CCDC33: variants seen among roughly 807,000 people sequenced by gnomAD.
CCDC33 encodes the protein coiled-coil domain containing 33.
CCDC33 carries 94 observed loss-of-function variants against 91.9 expected under a neutral mutation model. The ratio of observed to expected loss-of-function variants is 1.02; its 90% confidence interval spans 0.87 to 1.21. The LOEUF (loss-of-function observed/expected upper bound fraction) is 1.21, where lower values mean the gene tolerates loss of function less well. Among genes scored for constraint, CCDC33 ranks in the 50% most tolerant of loss-of-function variants. CCDC33 has a pLI of 0.00. For synonymous variants in CCDC33, 396 were observed against 374.5 expected, an observed-to-expected ratio of 1.06 and a Z score of -0.66; for missense variants, 940 against 935.5, an observed-to-expected ratio of 1.00 and a Z score of -0.06.
intron 9 of CCDC33, among the ~76,000 whole-genome samples, chr15:74,281,105 C>A (rs549945646): frequency 6.6e-6 from 1 of 152,354 alleles, no homozygotes; most frequent in Non-Finnish European, 1.5e-5. Flanking sequence ...CAGCCAGACC[C>A]TGATTTGAAC....
At chr15:74,223,774 G>GCACACACACA (rs34461827) in intron 2 of CCDC33, among the ~76,000 whole-genome samples, 3 of 145,504 alleles carry the variant, frequency 2.1e-5, no homozygotes, top group South Asian at 2.2e-4. Context: ...ACGCAAGCAT[G>GCACACACACA]CACACACACA....
At chr15:74,327,367 G>T (rs1256430604) in intron 11 of CCDC33, among the ~76,000 whole-genome samples, 1 of 152,178 alleles carries the variant, frequency 6.6e-6, no homozygotes, top group Non-Finnish European at 1.5e-5. Flanking sequence ...AGGTGCGGTG[G>T]CTCATTCCTC....
chr15:74,332,631 G>A, intron 15 of CCDC33, 48 bp from the exon 16 acceptor site: 1 of 1,599,524 alleles, frequency 6.3e-7, no homozygotes, highest in Non-Finnish European at 8.6e-7. Context: ...ACAGGGACAT[G>A]GGAAGCAGGA....
At chr15:74,324,441 C>T (rs1175409548) in intron 11 of CCDC33, among the ~76,000 whole-genome samples, 4 of 152,028 alleles carry the variant, frequency 2.6e-5, no homozygotes, top group South Asian at 2.1e-4. Flanking sequence ...CCATCTCTAG[C>T]GGCGGGTTCA....
Position 74,335,103 on chromosome 15 carries a change from T to A in CCDC33, c.2139+15T>A. 1 of 1,586,070 alleles carries A rather than the reference T, an allele frequency of 6.3e-7. No homozygotes were observed. Among genetic ancestry groups the A allele is most frequent in the Non-Finnish European group, 8.7e-7 (1 of 1,154,478 alleles). ...TAGAACAGCCTGTGAGTGACCCCCC[T>A]GGAGTAGCTCCCAGGGGTTCAGGTG... On this transcript the variant is annotated intron_variant, in intron 18 of 18. Coordinates refer to ENST00000398814, the MANE Select transcript of CCDC33 (RefSeq NM_025055.5).
chr15:74,253,698 T>G (rs351160), intron 2 of CCDC33, among the ~76,000 whole-genome samples: 116,446 of 151,992 alleles, frequency 0.77, 45,643 homozygotes, highest in Non-Finnish European at 0.86. Flanking sequence ...TCAGGGCCAA[T>G]CTACTTATGC....
chr15:74,309,682 A>G (rs1347303237), intron 11 of CCDC33, among the ~76,000 whole-genome samples: 1 of 152,018 alleles, frequency 6.6e-6, no homozygotes, highest in Non-Finnish European at 1.5e-5. Context: ...ACAAGCTTCC[A>G]TCTCTCTCGG....
At position 74,237,619 on chromosome 15, in the gene CCDC33, C is replaced by T. The variant is rs115890445; in HGVS notation, c.21+879C>T. ...ATGTTCTCTGCCCACAGCTGCCCCC[C>T]ACCCCCTGCAGACTCTGCCCTCCCC... On this transcript the variant is annotated intron_variant, in intron 1 of 18. Transcript: ENST00000398814. 6.3e-3 allele frequency among the ~76,000 whole-genome samples: 961 copies of T among 152,304 alleles called. 11 individuals are homozygous for T. Among genetic ancestry groups the T allele is most frequent in the African/African-American group, 0.021 (867 of 41,570 alleles).
At chr15:74,243,645 G>A in intron 1 of CCDC33, 1 of 460,438 alleles carries the variant, frequency 2.2e-6, no homozygotes, top group South Asian at 1.5e-5. Flanking sequence ...GGCAGTGAAG[G>A]GAGGTGCCGC....
intron 11 of CCDC33, among the ~76,000 whole-genome samples, chr15:74,320,983 G>T (rs1315651655): frequency 5.9e-5 from 9 of 152,160 alleles, no homozygotes; most frequent in African/African-American, 2.2e-4. Context: ...CAGGGTCCCA[G>T]TGGCATTGGC....
intron 2 of CCDC33, among the ~76,000 whole-genome samples, chr15:74,222,052 C>T (rs568367342): frequency 3.3e-5 from 5 of 152,262 alleles, no homozygotes; most frequent in African/African-American, 1.2e-4. Context: ...GCAAAAAGGC[C>T]ATCAGATGTG....
At chr15:74,227,982 C>T (rs998283561) in intron 2 of CCDC33, among the ~76,000 whole-genome samples, 3 of 147,122 alleles carry the variant, frequency 2.0e-5, no homozygotes, top group Non-Finnish European at 3.0e-5. Context: ...GCCTTGGAGG[C>T]GGGGGTGGGG....
intron 1 of CCDC33, among the ~76,000 whole-genome samples, chr15:74,238,558 T>A (rs2075252471): frequency 6.6e-6 from 1 of 152,246 alleles, no homozygotes; most frequent in South Asian, 2.1e-4. Flanking sequence ...AATCCTTTTT[T>A]AAATATGCAG....
upstream of CCDC33, among the ~76,000 whole-genome samples, chr15:74,232,850 A>T (rs368110436): frequency 6.6e-6 from 1 of 151,692 alleles, no homozygotes; most frequent in Non-Finnish European, 1.5e-5. Context: ...GTTCTCCCCC[A>T]CTGGAATGGG....
intron 11 of CCDC33, among the ~76,000 whole-genome samples, chr15:74,312,688 G>C (rs1350367752): frequency 6.6e-6 from 1 of 152,158 alleles, no homozygotes; most frequent in Non-Finnish European, 1.5e-5. Flanking sequence ...AGATGTGACA[G>C]TGCAACCCTC....
intron 2 of CCDC33, among the ~76,000 whole-genome samples, chr15:74,220,387 C>T (rs562291321): frequency 4.7e-4 from 71 of 152,360 alleles, no homozygotes; most frequent in Non-Finnish European, 8.4e-4. Flanking sequence ...TGCATGTCAC[C>T]TGCATTCCTA....
chr15:74,273,477 A>T (rs530224917), intron 7 of CCDC33, among the ~76,000 whole-genome samples: 1 of 152,254 alleles, frequency 6.6e-6, no homozygotes, highest in Admixed American at 6.5e-5. Context: ...CAGTAAAAAA[A>T]TTTTTTTTGA....
intron 11 of CCDC33, among the ~76,000 whole-genome samples, chr15:74,313,281 T>C (rs1358097219): frequency 6.6e-6 from 1 of 152,088 alleles, no homozygotes; most frequent in Non-Finnish European, 1.5e-5. Context: ...AAGGATGCTT[T>C]CCCTTGGCTC....
At chr15:74,283,920 T>C (rs1328789102) in intron 10 of CCDC33, among the ~76,000 whole-genome samples, 5 of 152,106 alleles carry the variant, frequency 3.3e-5, no homozygotes, top group Admixed American at 6.5e-5. Context: ...ATGCACACTC[T>C]TAACACATAT....
Sources: gnomAD v4.1 joint callset for allele counts (sites outside exome capture counted in the v4.1 genomes callset) on GRCh38, gnomAD v4.1.1 for gene constraint, MANE v1.5 for transcripts, NCBI Gene and HGNC (gene_info 2026-07-23, HGNC 2026-07-21) for gene names.